DOK5: variants seen among roughly 807,000 people sequenced by gnomAD.
DOK5 encodes the protein docking protein 5.
In DOK5, 27 loss-of-function variants were observed where a neutral mutation model predicts 43.3. That is an observed-to-expected ratio of 0.62 (90% CI 0.46 to 0.86). The LOEUF is 0.86. DOK5 is among the 40% of genes least tolerant of loss of function. DOK5 has a pLI of 0.00. For synonymous variants in DOK5, 146 were observed against 140.1 expected (o/e 1.04, Z -0.30); for missense variants, 373 against 392.9 (o/e 0.95, Z 0.43).
intron 5 of DOK5, among the ~76,000 whole-genome samples, chr20:54,602,483 G>A (rs879763428): frequency 5.3e-5 from 8 of 152,126 alleles, no homozygotes; most frequent in Non-Finnish European, 8.8e-5. Context: ...TGAGTCTCAC[G>A]GTGATAGTCA....
intron 2 of DOK5, among the ~76,000 whole-genome samples, chr20:54,568,270 T>C (rs7263861): frequency 0.036 from 5,412 of 152,324 alleles, 290 homozygotes; most frequent in African/African-American, 0.12. Context: ...TTTTCCTCCA[T>C]TCATGTGTTT....
In DOK5 at chr20:54,513,673, C is replaced by T. The variant is rs527256609; in HGVS notation, c.66+37661C>T. 1.7e-3 allele frequency among the ~76,000 whole-genome samples: 265 copies of T among 152,148 alleles called. 1 individual carries two copies. The highest frequency in any genetic ancestry group is 6.0e-3 in the African/African-American group (251 of 41,502). ...ATTATTAAAGTTGAAGAAGAGTGGG[C>T]TGTGCATTGGCTAATTAATAGTTTT... On this transcript the variant is annotated intron_variant, in intron 1 of 7. Transcript: ENST00000262593.
chr20:54,648,377 A>G (rs563997736), intron 7 of DOK5, among the ~76,000 whole-genome samples: 68 of 152,290 alleles, frequency 4.5e-4, no homozygotes, highest in African/African-American at 1.6e-3. Flanking sequence ...TGGTATATGG[A>G]ACAGTGGAAA....
At position 54,637,457 on chromosome 20, in the gene DOK5, T is replaced by G. The variant is rs528837375; in HGVS notation, c.736-6001T>G. On this transcript the variant is annotated intron_variant, in intron 6 of 7. Transcript: ENST00000262593. ...GCTAATAGAATTAATAAATGTTCAG[T>G]GCTAAACTCCCCTGCTGTTGGATAG... 3.1e-3 allele frequency among the ~76,000 whole-genome samples: 471 copies of G among 152,354 alleles called. 2 individuals are homozygous for G. The highest frequency in any genetic ancestry group is 0.014 in the Middle Eastern group (4 of 294).
intron 6 of DOK5, among the ~76,000 whole-genome samples, chr20:54,613,028 T>G (rs1296643091): frequency 6.6e-6 from 1 of 152,260 alleles, no homozygotes; most frequent in Non-Finnish European, 1.5e-5. Context: ...TAGCTTTCCA[T>G]GAACTGTAGC....
At chr20:54,532,217 G>C (rs2426530) in intron 1 of DOK5, among the ~76,000 whole-genome samples, 34,384 of 152,074 alleles carry the variant, frequency 0.23, 6,299 homozygotes, top group African/African-American at 0.52. Context: ...GTGGTAGATA[G>C]GATTACAATT....
In DOK5 at chr20:54,585,769, G is replaced by C. The variant is rs374797555; in HGVS notation, c.175-2714G>C. On this transcript the variant is annotated intron_variant, in intron 2 of 7. Transcript: ENST00000262593. ...GTCTAGTTTCCTCATCTGTGAAAAA[G>C]GTGATAATAGTAATATTTATTTCAC... Among the ~76,000 whole-genome samples the C allele has an allele frequency of 5.8e-4, 89 of 152,262 alleles. 2 individuals carry two copies. Among genetic ancestry groups the C allele is most frequent in the African/African-American group, 2.0e-3 (85 of 41,550 alleles).
intron 6 of DOK5, among the ~76,000 whole-genome samples, chr20:54,624,885 AG>A (rs1987088426): frequency 5.3e-5 from 8 of 152,100 alleles, no homozygotes; most frequent in Non-Finnish European, 1.2e-4. Context: ...GCTTTGTCAA[AG>A]CTGTAAGCCA....
At chr20:54,499,900 G>A (rs1471187756) in intron 1 of DOK5, among the ~76,000 whole-genome samples, 1 of 152,194 alleles carries the variant, frequency 6.6e-6, no homozygotes, top group Non-Finnish European at 1.5e-5. Flanking sequence ...CAGGAGGAGC[G>A]AGGGGCTCAG....
chr20:54,613,076 A>C (rs1044910890), intron 6 of DOK5, among the ~76,000 whole-genome samples: 1 of 152,196 alleles, frequency 6.6e-6, no homozygotes, highest in Admixed American at 6.5e-5. Flanking sequence ...CATCATTAGC[A>C]TTGCTGTTAA....
chr20:54,591,943 G>A, intron 5 of DOK5, 138 bp downstream of exon 5: 1 of 672,566 alleles, frequency 1.5e-6, no homozygotes, highest in Non-Finnish European at 2.4e-6. Flanking sequence ...TCATAGAGTT[G>A]CGATTACATA....
intron 2 of DOK5, among the ~76,000 whole-genome samples, chr20:54,584,658 A>G (rs1348116009): frequency 1.1e-4 from 17 of 150,202 alleles, no homozygotes; most frequent in Non-Finnish European, 3.0e-5. Context: ...ATGTATATAT[A>G]CTATAATATA....
chr20:54,574,255 T>G (rs553184534), intron 2 of DOK5, among the ~76,000 whole-genome samples: 1 of 152,188 alleles, frequency 6.6e-6, no homozygotes, highest in African/African-American at 2.4e-5. Flanking sequence ...TAGGACTAGA[T>G]AGACACCTGT....
chr20:54,624,693 C>T (rs1002134365), intron 6 of DOK5, among the ~76,000 whole-genome samples: 2 of 152,120 alleles, frequency 1.3e-5, no homozygotes, highest in East Asian at 1.9e-4. Context: ...GAAAAAGTTA[C>T]CGGAGGCAAA....
chr20:54,619,817 G>A (rs528199570), intron 6 of DOK5, among the ~76,000 whole-genome samples: 9 of 152,156 alleles, frequency 5.9e-5, no homozygotes, highest in East Asian at 1.9e-4. Context: ...AATTTTAAAC[G>A]CAATATGCTA....
chr20:54,649,797 A>G (rs1979613529), intron 7 of DOK5, among the ~76,000 whole-genome samples: 1 of 152,228 alleles, frequency 6.6e-6, no homozygotes, highest in African/African-American at 2.4e-5. Context: ...TTTGTGCTAC[A>G]GGCAGCAGGG....
chr20:54,546,651 A>G (rs1984359184), intron 1 of DOK5, among the ~76,000 whole-genome samples: 1 of 151,742 alleles, frequency 6.6e-6, no homozygotes, highest in Non-Finnish European at 1.5e-5. Flanking sequence ...ATGCTCTGAG[A>G]AGAGAAAGTC....
intron 5 of DOK5, among the ~76,000 whole-genome samples, chr20:54,600,024 G>C (rs1319851462): frequency 1.3e-5 from 2 of 152,208 alleles, no homozygotes; most frequent in Non-Finnish European, 2.9e-5. Flanking sequence ...ATTTTAAAGA[G>C]AGTGAGCAGG....
intron 1 of DOK5, among the ~76,000 whole-genome samples, chr20:54,514,113 C>G (rs1468319584): frequency 1.3e-5 from 2 of 152,158 alleles, no homozygotes; most frequent in Non-Finnish European, 2.9e-5. Flanking sequence ...TTGACAAAGT[C>G]GTTGGTACCT....
Sources: gnomAD v4.1 joint callset for allele counts (sites outside exome capture counted in the v4.1 genomes callset) on GRCh38, gnomAD v4.1.1 for gene constraint, MANE v1.5 for transcripts, NCBI Gene and HGNC (gene_info 2026-07-23, HGNC 2026-07-21) for gene names.